Variants in STXBP4 observed in about 807,000 individuals in gnomAD.
STXBP4 encodes the protein syntaxin binding protein 4.
Under a neutral mutation model 76.1 loss-of-function variants are expected in STXBP4, and 55 were observed. The observed-to-expected ratio is 0.72, with a 90% CI of 0.58 to 0.91. The LOEUF is 0.91. Ranked by LOEUF, STXBP4 falls within the 40% of genes least tolerant of loss-of-function variation. The probability of loss-of-function intolerance (pLI) is 0.00; values close to 1 mark genes in which losing one functional copy is unlikely to be tolerated. For missense variants in STXBP4, 618 were observed against 636.9 expected, an observed-to-expected ratio of 0.97 and a Z score of 0.32; for synonymous variants, 201 against 220.2, an observed-to-expected ratio of 0.91 and a Z score of 0.77.
chr17:55,076,203 G>T (rs1336737393), intron 13 of STXBP4, among the ~76,000 whole-genome samples: 1 of 151,986 alleles, frequency 6.6e-6, no homozygotes, highest in Non-Finnish European at 1.5e-5. Context: ...CAGTATTTTA[G>T]TTCTTTCTTT....
intron 16 of STXBP4, among the ~76,000 whole-genome samples, chr17:55,130,462 T>C (rs928592217): frequency 6.6e-6 from 1 of 152,244 alleles, no homozygotes; most frequent in Non-Finnish European, 1.5e-5. Flanking sequence ...TATACATACA[T>C]TATGGAATGA....
intron 16 of STXBP4, among the ~76,000 whole-genome samples, chr17:55,095,183 C>A (rs1346152360): frequency 6.6e-6 from 1 of 151,984 alleles, no homozygotes; most frequent in African/African-American, 2.4e-5. Context: ...AGCACAAAGG[C>A]AGAAAAAATG....
Position 55,018,556 on chromosome 17 carries a change from C to G in STXBP4, c.666+10959C>G, listed in dbSNP as rs183377996. 2.2e-3 allele frequency among the ~76,000 whole-genome samples: 331 copies of G among 152,290 alleles called. 1 individual carries two copies. Among genetic ancestry groups the G allele is most frequent in the Non-Finnish European group, 3.1e-3 (213 of 68,020 alleles). On this transcript the variant is annotated intron_variant, in intron 8 of 17. Coordinates refer to ENST00000376352, the MANE Select transcript of STXBP4 (RefSeq NM_178509.6). ...TGTTTCATGCATCCGTGTGAAGAGA[C>G]CACCAAAGAGGCTTTGTTTAAGCAA... is the stretch of plus-strand genomic sequence containing the variant.
chr17:55,206,857 G>GAAAAAAA, the STXBP4 span, among the ~76,000 whole-genome samples: 150 of 103,124 alleles, frequency 1.5e-3, no homozygotes, highest in East Asian at 7.0e-3. Context: ...CTCCGTCTCA[G>GAAAAAAA]AAAAAAAAAA....
chr17:55,028,448 A>G (rs1381845187), intron 8 of STXBP4, among the ~76,000 whole-genome samples: 1 of 152,182 alleles, frequency 6.6e-6, no homozygotes, highest in African/African-American at 2.4e-5. Flanking sequence ...CACAATTTAT[A>G]TAAATTTATA....
chr17:54,997,864 A>C (rs563294445), intron 4 of STXBP4, among the ~76,000 whole-genome samples: 2 of 150,954 alleles, frequency 1.3e-5, no homozygotes, highest in Admixed American at 6.6e-5. Context: ...TTGGGTGTAC[A>C]GATGTGAGCC....
At chr17:55,043,346 C>T in intron 11 of STXBP4, 21 bp downstream of exon 11, 2 of 1,323,660 alleles carry the variant, frequency 1.5e-6, no homozygotes, top group Non-Finnish European at 1.0e-6. Flanking sequence ...ATTTAGTTTC[C>T]TTATGTTTTC....
At chr17:55,212,366 A>G in the STXBP4 span, among the ~76,000 whole-genome samples, 3 of 152,240 alleles carry the variant, frequency 2.0e-5, no homozygotes, top group Non-Finnish European at 2.9e-5. Flanking sequence ...GAATGAATCC[A>G]TCTATATTCC....
intron 16 of STXBP4, among the ~76,000 whole-genome samples, chr17:55,105,108 G>C (rs958242145): frequency 6.6e-6 from 1 of 151,920 alleles, no homozygotes; most frequent in Admixed American, 6.6e-5. Flanking sequence ...AGGGTTTTTC[G>C]TGTCTCTATC....
At chr17:55,147,683 C>G (rs955435860) in intron 17 of STXBP4, among the ~76,000 whole-genome samples, 1 of 152,164 alleles carries the variant, frequency 6.6e-6, no homozygotes, top group Non-Finnish European at 1.5e-5. Context: ...TAGAACATTA[C>G]AAATGCGTAT....
At chr17:55,034,328 G>A (rs887972751) in intron 10 of STXBP4, 69 bp downstream of exon 10, 13 of 1,013,480 alleles carry the variant, frequency 1.3e-5, no homozygotes, top group South Asian at 4.9e-5. Context: ...TATGTCATAT[G>A]TGTAGGCTTT....
At chr17:55,005,679 A>G (rs79657575) in intron 7 of STXBP4, among the ~76,000 whole-genome samples, 1,575 of 152,292 alleles carry the variant, frequency 0.01, 28 homozygotes, top group East Asian at 0.085. Context: ...CTTGAAATGA[A>G]TAATTCAAGC....
intron 7 of STXBP4, among the ~76,000 whole-genome samples, chr17:55,005,829 T>C (rs2077996406): frequency 6.6e-6 from 1 of 152,140 alleles, no homozygotes; most frequent in Non-Finnish European, 1.5e-5. Context: ...AAAAATAAAG[T>C]TATCTGCTGG....
intron 10 of STXBP4, among the ~76,000 whole-genome samples, chr17:55,034,892 T>A (rs2078571578): frequency 6.6e-6 from 1 of 152,092 alleles, no homozygotes; most frequent in African/African-American, 2.4e-5. Context: ...CTATAGAAGT[T>A]TGACATTTAT....
chr17:55,211,793 T>G, the STXBP4 span, among the ~76,000 whole-genome samples: 197 of 131,936 alleles, frequency 1.5e-3, no homozygotes, highest in Admixed American at 4.3e-3. Flanking sequence ...TTTCCTGTTT[T>G]TTGTTGTTTT....
chr17:55,043,902 G>A, intron 11 of STXBP4: 1 of 392,744 alleles, frequency 2.5e-6, no homozygotes, highest in Non-Finnish European at 4.5e-6. Flanking sequence ...AGGCTGGAGT[G>A]CAATACTGCA....
intron 16 of STXBP4, among the ~76,000 whole-genome samples, chr17:55,139,016 T>C (rs903463692): frequency 2.0e-5 from 3 of 152,136 alleles, no homozygotes; most frequent in Non-Finnish European, 4.4e-5. Context: ...AAACACTTAT[T>C]TTCTCAGAAC....
chr17:55,128,000 T>A (rs2079931242), intron 16 of STXBP4, among the ~76,000 whole-genome samples: 1 of 152,210 alleles, frequency 6.6e-6, no homozygotes, highest in South Asian at 2.1e-4. Context: ...AAATTGTATG[T>A]CTATTGATCC....
At chr17:55,038,541 G>C (rs1256029681) in intron 10 of STXBP4, among the ~76,000 whole-genome samples, 1 of 151,972 alleles carries the variant, frequency 6.6e-6, no homozygotes, top group Non-Finnish European at 1.5e-5. Context: ...CAACTTTTGG[G>C]TTTGGAAGAA....
Sources: gnomAD v4.1 joint callset for allele counts (sites outside exome capture counted in the v4.1 genomes callset) on GRCh38, gnomAD v4.1.1 for gene constraint, MANE v1.5 for transcripts, NCBI Gene and HGNC (gene_info 2026-07-23, HGNC 2026-07-21) for gene names.